Variants in ZRANB3 observed in about 807,000 individuals in gnomAD.
ZRANB3 encodes the protein zinc finger RANBP2-type containing 3.
A neutral mutation model predicts 133.8 loss-of-function variants in ZRANB3; 125 were observed. The ratio of observed to expected loss-of-function variants is 0.93; its 90% CI spans 0.81 to 1.08. The LOEUF (loss-of-function observed/expected upper bound fraction) is 1.08. ZRANB3 is among the 50% of genes least tolerant of loss of function. The probability of loss-of-function intolerance (pLI) is 0.00; values close to 1 mark genes in which losing one functional copy is unlikely to be tolerated. For missense variants in ZRANB3, 1,229 were observed against 1,275.5 expected, an observed-to-expected ratio of 0.96 and a Z score of 0.56; for synonymous variants, 387 against 432.7, an observed-to-expected ratio of 0.89 and a Z score of 1.31.
At chr2:135,244,222 C>A (rs1248874970) in intron 12 of ZRANB3, among the ~76,000 whole-genome samples, 2 of 151,962 alleles carry the variant, frequency 1.3e-5, no homozygotes, top group African/African-American at 4.8e-5. Context: ...AATCCCAGTA[C>A]TTTGGGAGTC....
chr2:135,526,484 A>C (rs1694168036), intron 1 of ZRANB3, among the ~76,000 whole-genome samples: 1 of 151,988 alleles, frequency 6.6e-6, no homozygotes, highest in South Asian at 2.1e-4. Context: ...ATTTTACCCA[A>C]ATTCCTAACT....
intron 2 of ZRANB3, among the ~76,000 whole-genome samples, chr2:135,469,138 C>T (rs1417116446): frequency 6.6e-6 from 1 of 152,018 alleles, no homozygotes; most frequent in Non-Finnish European, 1.5e-5. Context: ...ATTAAGTTTC[C>T]ACTGACTAAG....
At chr2:135,437,206 C>T (rs1030271440) in intron 2 of ZRANB3, among the ~76,000 whole-genome samples, 1 of 152,168 alleles carries the variant, frequency 6.6e-6, no homozygotes, top group Non-Finnish European at 1.5e-5. Context: ...GATCTACCCA[C>T]CTCAACCTCC....
intron 17 of ZRANB3, among the ~76,000 whole-genome samples, chr2:135,217,111 G>C (rs1392040509): frequency 1.3e-5 from 2 of 152,156 alleles, no homozygotes; most frequent in African/African-American, 4.8e-5. Context: ...AAAGCAGATG[G>C]GGTCCAGAGG....
At chr2:135,247,517 C>T (rs1425274819) in intron 12 of ZRANB3, among the ~76,000 whole-genome samples, 2 of 151,672 alleles carry the variant, frequency 1.3e-5, no homozygotes, top group Admixed American at 1.3e-4. Context: ...TTTTAAAACC[C>T]AAAGTAGTAA....
At chr2:135,265,475 C>T in intron 12 of ZRANB3, 59 bp downstream of exon 12, 1 of 1,473,540 alleles carries the variant, frequency 6.8e-7, no homozygotes. Flanking sequence ...ACCATACATA[C>T]AAAGTTATAG....
intron 2 of ZRANB3, among the ~76,000 whole-genome samples, chr2:135,498,932 C>T (rs556592088): frequency 1.3e-5 from 2 of 152,266 alleles, no homozygotes; most frequent in South Asian, 2.1e-4. Context: ...ACAATGCGTG[C>T]CTGAAACTTC....
chr2:135,242,101 C>T (rs1695577866), intron 12 of ZRANB3, among the ~76,000 whole-genome samples: 1 of 152,016 alleles, frequency 6.6e-6, no homozygotes. Context: ...ATCGCTTGAA[C>T]TCAGGAAGCA....
At chr2:135,260,568 T>C (rs183219891) in intron 12 of ZRANB3, among the ~76,000 whole-genome samples, 6 of 149,514 alleles carry the variant, frequency 4.0e-5, no homozygotes, top group Non-Finnish European at 7.4e-5. Context: ...ACTTGAATAA[T>C]ATATATTCAA....
chr2:135,365,253 C>A (rs1382950473), intron 3 of ZRANB3, among the ~76,000 whole-genome samples: 2 of 151,956 alleles, frequency 1.3e-5, no homozygotes, highest in African/African-American at 2.4e-5. Flanking sequence ...GGTGACAGAC[C>A]AAGATTCTGT....
rs1694972706 is a variant in ZRANB3 at position 135,230,733 on chromosome 2, C to T, written c.1734G>A (p.Leu578=). 1.2e-6 allele frequency: 2 copies of T among 1,612,928 alleles called. No homozygotes were observed. Among genetic ancestry groups the T allele is most frequent in the African/African-American group, 1.3e-5 (1 of 74,888 alleles). The part of the protein sequence containing the change: ...ESDVEPETKR[L]KLAASEDHCS... ...AGTGGTCTTCCGAGGCAGCCAATTT[C>T]AATCTTTTCGTTTCAGGTTCAACAT... The change falls in exon 13 of 21, where the codon TTG becomes TTA. Residue 578 remains leucine, a synonymous_variant. Transcript: ENST00000264159.
At chr2:135,246,486 T>G (rs1319520877) in intron 12 of ZRANB3, among the ~76,000 whole-genome samples, 1 of 152,158 alleles carries the variant, frequency 6.6e-6, no homozygotes, top group Non-Finnish European at 1.5e-5. Context: ...AAGAAATAAT[T>G]GCAAACAGAA....
At chr2:135,275,809 T>C in intron 8 of ZRANB3, 54 bp from the exon 9 acceptor site, 1 of 1,343,070 alleles carries the variant, frequency 7.4e-7, no homozygotes, top group Non-Finnish European at 9.8e-7. Context: ...TATTTAAAAT[T>C]TATGTCACTT....
chr2:135,262,605 G>A (rs896634994), intron 12 of ZRANB3, among the ~76,000 whole-genome samples: 11 of 150,206 alleles, frequency 7.3e-5, no homozygotes, highest in Non-Finnish European at 1.3e-4. Flanking sequence ...CACGTAGTGA[G>A]ACTCTGTCTC....
intron 2 of ZRANB3, among the ~76,000 whole-genome samples, chr2:135,489,345 T>C (rs1044742843): frequency 6.9e-6 from 1 of 145,390 alleles, no homozygotes; most frequent in Admixed American, 6.9e-5. Flanking sequence ...CATTAGGAGA[T>C]ATACCTAATG....
chr2:135,497,740 T>C (rs1157667807), intron 2 of ZRANB3, among the ~76,000 whole-genome samples: 2 of 152,306 alleles, frequency 1.3e-5, no homozygotes, highest in African/African-American at 4.8e-5. Flanking sequence ...GACATTCATA[T>C]GTAAAAATAA....
chr2:135,214,545 T>C (rs1694228947), intron 17 of ZRANB3, among the ~76,000 whole-genome samples: 1 of 152,204 alleles, frequency 6.6e-6, no homozygotes, highest in South Asian at 2.1e-4. Flanking sequence ...CAGAAATAGC[T>C]AGAAATTCAG....
At chr2:135,519,253 C>G (rs1693820761) in intron 1 of ZRANB3, among the ~76,000 whole-genome samples, 1 of 152,060 alleles carries the variant, frequency 6.6e-6, no homozygotes, top group South Asian at 2.1e-4. Flanking sequence ...CTGGAGGAAA[C>G]TAGGGAAAGG....
chr2:135,207,152 C>T (rs918498915), intron 19 of ZRANB3, among the ~76,000 whole-genome samples: 3 of 148,840 alleles, frequency 2.0e-5, no homozygotes, highest in Non-Finnish European at 3.0e-5. Flanking sequence ...GTGACAAGGG[C>T]GAAACTCTGT....
Sources: allele counts gnomAD v4.1 joint callset (sites outside exome capture counted in the v4.1 genomes callset), GRCh38; gene constraint gnomAD v4.1.1; transcripts MANE v1.5; gene names NCBI Gene and HGNC (gene_info 2026-07-23, HGNC 2026-07-21).